Variants in SUPT3H observed in about 807,000 individuals in gnomAD.
The protein encoded by SUPT3H is transcription initiation protein SPT3 homolog.
SUPT3H carries 44 observed loss-of-function variants against 44.3 expected under a neutral mutation model. That is an observed-to-expected ratio of 0.99 (90% CI 0.78 to 1.28). The LOEUF is 1.28. SUPT3H is among the 50% of genes most tolerant of loss of function. SUPT3H has a pLI of 0.00. For synonymous variants in SUPT3H, 124 were observed against 125.6 expected, an observed-to-expected ratio of 0.99 and a Z score of 0.09; for missense variants, 380 against 387.1, an observed-to-expected ratio of 0.98 and a Z score of 0.15.
At chr6:45,327,096 A>C (rs911440983) in intron 2 of SUPT3H, among the ~76,000 whole-genome samples, 1 of 151,978 alleles carries the variant, frequency 6.6e-6, no homozygotes, top group African/African-American at 2.4e-5. Flanking sequence ...CTAATAAGAA[A>C]ATGAGTTCTA....
At chr6:44,857,956 C>G (rs1355261983) in intron 10 of SUPT3H, among the ~76,000 whole-genome samples, 1 of 152,130 alleles carries the variant, frequency 6.6e-6, no homozygotes, top group Non-Finnish European at 1.5e-5. Context: ...ACTTTATATT[C>G]ATGCTGATGA....
At chr6:45,244,111 T>C (rs9296452) in intron 2 of SUPT3H, among the ~76,000 whole-genome samples, 129,756 of 152,092 alleles carry the variant, frequency 0.85, 55,627 homozygotes, top group African/African-American at 0.9. Context: ...CTCAAACTCC[T>C]GGGCTCAAGT....
At chr6:44,839,446 C>T (rs540989489) in intron 10 of SUPT3H, among the ~76,000 whole-genome samples, 3 of 152,012 alleles carry the variant, frequency 2.0e-5, no homozygotes, top group Non-Finnish European at 4.4e-5. Context: ...GCTGGGACTG[C>T]AGGTGTGCAC....
chr6:45,353,482 A>G (rs1237511135), intron 2 of SUPT3H, among the ~76,000 whole-genome samples: 2 of 152,098 alleles, frequency 1.3e-5, no homozygotes, highest in African/African-American at 4.8e-5. Context: ...AAAGTTTAAA[A>G]TAATTTATTA....
At chr6:44,963,050 T>C (rs928409898) in intron 6 of SUPT3H, among the ~76,000 whole-genome samples, 2 of 151,552 alleles carry the variant, frequency 1.3e-5, no homozygotes, top group African/African-American at 2.4e-5. Context: ...ACACATATAA[T>C]GTATATATGT....
intron 2 of SUPT3H, among the ~76,000 whole-genome samples, chr6:45,118,028 G>A (rs1287851982): frequency 2.0e-5 from 3 of 152,016 alleles, no homozygotes; most frequent in Admixed American, 6.6e-5. Flanking sequence ...AAGACATTAA[G>A]ACACAACTCT....
intron 2 of SUPT3H, among the ~76,000 whole-genome samples, chr6:45,194,060 C>T (rs1242142520): frequency 2.0e-5 from 3 of 152,104 alleles, no homozygotes; most frequent in African/African-American, 7.2e-5. Flanking sequence ...TTAAAGACAA[C>T]TTTTTGTTGA....
intron 3 of SUPT3H, among the ~76,000 whole-genome samples, chr6:45,086,375 C>A (rs933581494): frequency 1.3e-5 from 2 of 151,962 alleles, no homozygotes; most frequent in African/African-American, 4.8e-5. Context: ...TCCTTAGGAA[C>A]TCATAGGAAA....
Position 44,960,419 on chromosome 6 carries a change from C to CAA in SUPT3H, c.580+1332_580+1333dup, listed in dbSNP as rs752377751. 1.0e-3 allele frequency among the ~76,000 whole-genome samples: 91 copies of CAA among 91,146 alleles called. 1 individual carries two copies. The highest frequency in any genetic ancestry group is 0.012 in the Middle Eastern group (2 of 168). The allele number at this position is 91,146 out of a possible 152,430, so 59.8% of individuals were successfully genotyped here. ...TGGGCAACAGAGTGAGATTCCATCT[C>CAA]AAAAAAAAAAAAAAAAGAACAAAAG... On this transcript the variant is annotated intron_variant, in intron 7 of 10. Transcript: ENST00000371459.
At chr6:45,320,456 T>C (rs1361922824) in intron 2 of SUPT3H, among the ~76,000 whole-genome samples, 1 of 151,612 alleles carries the variant, frequency 6.6e-6, no homozygotes, top group African/African-American at 2.4e-5. Flanking sequence ...TTTTTTTTTT[T>C]CTGGTAGACA....
At chr6:45,031,915 A>C (rs1787000343) in intron 3 of SUPT3H, among the ~76,000 whole-genome samples, 1 of 152,188 alleles carries the variant, frequency 6.6e-6, no homozygotes, top group Non-Finnish European at 1.5e-5. Flanking sequence ...TTATCTTACC[A>C]TGTTTACCAT....
intron 2 of SUPT3H, among the ~76,000 whole-genome samples, chr6:45,190,521 T>C (rs917175550): frequency 2.0e-5 from 3 of 152,164 alleles, no homozygotes; most frequent in African/African-American, 7.2e-5. Context: ...TGGAAGACTT[T>C]GTTGGGTTAT....
chr6:44,865,948 A>G (rs1775431610), intron 10 of SUPT3H, among the ~76,000 whole-genome samples: 1 of 152,186 alleles, frequency 6.6e-6, no homozygotes, highest in South Asian at 2.1e-4. Context: ...GCAGAAAGCC[A>G]AGTGGGAGAA....
At chr6:45,197,086 A>G (rs1303718740) in intron 2 of SUPT3H, among the ~76,000 whole-genome samples, 1 of 151,702 alleles carries the variant, frequency 6.6e-6, no homozygotes, top group East Asian at 1.9e-4. Context: ...GTTTTAAGAC[A>G]TAATTCTTCA....
At chr6:44,820,014 G>C (rs552444990) in intron 11 of SUPT3H, among the ~76,000 whole-genome samples, 1 of 151,980 alleles carries the variant, frequency 6.6e-6, no homozygotes, top group Non-Finnish European at 1.5e-5. Flanking sequence ...CTTGAGCTCA[G>C]GAATTCAAGA....
At chr6:44,988,960 TACGA>T (rs1221457338) in intron 6 of SUPT3H, among the ~76,000 whole-genome samples, 3 of 152,160 alleles carry the variant, frequency 2.0e-5, no homozygotes, top group Non-Finnish European at 2.9e-5. Context: ...TAGAATTTAT[TACGA>T]ATGAATTGTA....
At chr6:45,313,160 A>T (rs751035393) in intron 2 of SUPT3H, among the ~76,000 whole-genome samples, 5 of 152,232 alleles carry the variant, frequency 3.3e-5, no homozygotes, top group Non-Finnish European at 7.3e-5. Flanking sequence ...GAAAGTTCAT[A>T]GCCCTAAACG....
intron 9 of SUPT3H, among the ~76,000 whole-genome samples, chr6:44,950,857 A>AT (rs1660456557): frequency 1.2e-5 from 1 of 81,700 alleles, no homozygotes. Context: ...TTTATTTTTT[A>AT]TTTTTTATTA....
At chr6:45,002,455 T>C (rs994102845) in intron 6 of SUPT3H, among the ~76,000 whole-genome samples, 1 of 152,050 alleles carries the variant, frequency 6.6e-6, no homozygotes, top group Non-Finnish European at 1.5e-5. Flanking sequence ...CCTTTCTCAG[T>C]GGCCATTTTT....
Sources: allele counts gnomAD v4.1 joint callset (sites outside exome capture counted in the v4.1 genomes callset), GRCh38; gene constraint gnomAD v4.1.1; transcripts MANE v1.5; gene names NCBI Gene and HGNC (gene_info 2026-07-23, HGNC 2026-07-21).